The following EYS variants were observed in gnomAD, a reference collection of about 807,000 sequenced individuals.
EYS encodes EGF-like photoreceptor maintenance factor.
EYS carries 250 observed loss-of-function variants against 282.1 expected under a neutral mutation model. The ratio of observed to expected loss-of-function variants is 0.89; its 90% confidence interval spans 0.80 to 0.98. EYS has a LOEUF of 0.98. Ranked by LOEUF, EYS falls within the 50% of genes least tolerant of loss-of-function variation. EYS has a pLI of 0.00. For missense variants in EYS, 4,016 were observed against 3,709.0 expected, an observed-to-expected ratio of 1.08 and a Z score of -2.15; for synonymous variants, 1,355 against 1,282.9, an observed-to-expected ratio of 1.06 and a Z score of -1.20.
chr6:64,899,007 G>A (rs551469026), intron 18 of EYS, among the ~76,000 whole-genome samples: 164 of 152,020 alleles, frequency 1.1e-3, no homozygotes, highest in Non-Finnish European at 1.8e-3. Flanking sequence ...CAATAATAGT[G>A]AGAGACTTTA....
intron 31 of EYS, among the ~76,000 whole-genome samples, chr6:64,159,419 G>A (rs760461544): frequency 6.6e-6 from 1 of 151,810 alleles, no homozygotes; most frequent in Non-Finnish European, 1.5e-5. Flanking sequence ...AATTAGCCAG[G>A]TGTGGTGGCA....
At chr6:65,582,037 T>A (rs1463730306) in intron 2 of EYS, among the ~76,000 whole-genome samples, 2 of 150,822 alleles carry the variant, frequency 1.3e-5, no homozygotes, top group Non-Finnish European at 3.0e-5. Flanking sequence ...AAAATATATA[T>A]ATATATAAAT....
chr6:64,076,255 T>C (rs1771767501), intron 32 of EYS, among the ~76,000 whole-genome samples: 1 of 151,958 alleles, frequency 6.6e-6, no homozygotes, highest in Admixed American at 6.6e-5. Context: ...TTCCTAAAGA[T>C]TCAATACCTA....
At chr6:63,940,724 T>C (rs1338722103) in intron 35 of EYS, among the ~76,000 whole-genome samples, 3 of 152,026 alleles carry the variant, frequency 2.0e-5, no homozygotes, top group Admixed American at 6.6e-5. Context: ...AGGGTACATG[T>C]GTACAATGTG....
intron 26 of EYS, among the ~76,000 whole-genome samples, chr6:64,584,493 C>T (rs1370942059): frequency 6.6e-6 from 1 of 151,546 alleles, no homozygotes; most frequent in African/African-American, 2.4e-5. Context: ...AAATAATCCT[C>T]CAGAAAGATG....
At chr6:64,417,552 C>T (rs1774094275) in intron 28 of EYS, among the ~76,000 whole-genome samples, 1 of 151,776 alleles carries the variant, frequency 6.6e-6, no homozygotes, top group African/African-American at 2.4e-5. Flanking sequence ...AAAGCAGTGA[C>T]ATTCAGGAAG....
chr6:64,682,061 C>T (rs568981503), intron 22 of EYS, among the ~76,000 whole-genome samples: 16 of 152,294 alleles, frequency 1.1e-4, no homozygotes, highest in African/African-American at 3.9e-4. Flanking sequence ...ATTCTCTCAA[C>T]CCAGGCCCCC....
intron 31 of EYS, among the ~76,000 whole-genome samples, chr6:64,203,458 T>C (rs1447024024): frequency 6.6e-6 from 1 of 152,086 alleles, no homozygotes; most frequent in Non-Finnish European, 1.5e-5. Flanking sequence ...AGACTGCAGG[T>C]CAAGGGAAGC....
intron 22 of EYS, among the ~76,000 whole-genome samples, chr6:64,731,666 T>C (rs1562160270): frequency 6.6e-6 from 1 of 152,282 alleles, no homozygotes; most frequent in East Asian, 1.9e-4. Context: ...AAACAACAGA[T>C]GCTGGAGAGG....
At chr6:65,060,100 G>A (rs1342169279) in intron 12 of EYS, among the ~76,000 whole-genome samples, 1 of 151,920 alleles carries the variant, frequency 6.6e-6, no homozygotes, top group Non-Finnish European at 1.5e-5. Context: ...AACAATTTCA[G>A]CCTTCAATTT....
chr6:64,950,714 T>C (rs1769458342), intron 14 of EYS, among the ~76,000 whole-genome samples: 1 of 142,194 alleles, frequency 7.0e-6, no homozygotes, highest in Non-Finnish European at 1.5e-5. Context: ...ACCTACAAAA[T>C]GATTTAAAAA....
intron 2 of EYS, among the ~76,000 whole-genome samples, chr6:65,540,531 T>C (rs529630182): frequency 6.6e-6 from 1 of 152,196 alleles, no homozygotes; most frequent in Non-Finnish European, 1.5e-5. Context: ...CAAATATACA[T>C]AAAATTCTTA....
chr6:64,669,597 A>AT (rs1229667363), intron 22 of EYS, among the ~76,000 whole-genome samples: 1 of 152,188 alleles, frequency 6.6e-6, no homozygotes, highest in Non-Finnish European at 1.5e-5. Context: ...GATTGCATTT[A>AT]TTTTTATTTG....
At chr6:64,014,505 T>G (rs1368896468) in intron 33 of EYS, among the ~76,000 whole-genome samples, 7 of 152,174 alleles carry the variant, frequency 4.6e-5, no homozygotes, top group African/African-American at 1.7e-4. Flanking sequence ...TTATACTGTA[T>G]TATGTTTAAT....
chr6:64,090,876 C>T (rs757351692), intron 31 of EYS, among the ~76,000 whole-genome samples: 3 of 152,140 alleles, frequency 2.0e-5, no homozygotes, highest in Non-Finnish European at 4.4e-5. Flanking sequence ...TACCTCCTAA[C>T]TTGTCTTCAT....
At chr6:64,145,162 C>A (rs889522383) in intron 31 of EYS, among the ~76,000 whole-genome samples, 5 of 152,050 alleles carry the variant, frequency 3.3e-5, no homozygotes, top group Non-Finnish European at 5.9e-5. Flanking sequence ...TAATATAGTT[C>A]CTTGCCTTTT....
rs139119553 is a variant in EYS, at chr6:64,494,404, G to A, written c.5645-55052C>T. On this transcript the variant is annotated intron_variant, in intron 26 of 42. Transcript: ENST00000503581. ...TGAGGCATCTTTCCTGATTTTCCAG[G>A]CAAAATGTATTGCACCCAGGACTGT... is the stretch of plus-strand genomic sequence containing the variant. Among the ~76,000 whole-genome samples the A allele has an allele frequency of 5.1e-3, 775 of 151,588 alleles. 8 individuals carry two copies. Among genetic ancestry groups the A allele is most frequent in the South Asian group, 0.019 (90 of 4,820 alleles).
intron 29 of EYS, among the ~76,000 whole-genome samples, chr6:64,386,850 T>A (rs1772926272): frequency 6.6e-6 from 1 of 152,146 alleles, no homozygotes; most frequent in African/African-American, 2.4e-5. Flanking sequence ...ACTTTGCCAT[T>A]TCTTACGATG....
chr6:64,170,398 C>A (rs550751630), intron 31 of EYS, among the ~76,000 whole-genome samples: 3 of 152,134 alleles, frequency 2.0e-5, no homozygotes, highest in Admixed American at 6.6e-5. Context: ...AATGTATTGT[C>A]TCATAGTTAC....
Sources: gnomAD v4.1 joint callset for allele counts (sites outside exome capture counted in the v4.1 genomes callset) on GRCh38, gnomAD v4.1.1 for gene constraint, MANE v1.5 for transcripts, NCBI Gene and HGNC (gene_info 2026-07-23, HGNC 2026-07-21) for gene names.